Variants in CCDC17 observed in about 807,000 individuals in gnomAD.
CCDC17 encodes coiled-coil domain containing 17, also known as coiled-coil domain-containing protein 17.
Under a neutral mutation model 68.0 loss-of-function variants are expected in CCDC17, and 79 were observed. The ratio of observed to expected loss-of-function variants is 1.16; its 90% CI spans 0.97 to 1.40. The LOEUF is 1.40. Among genes scored for constraint, CCDC17 ranks in the 40% most tolerant of loss-of-function variants. CCDC17 has a pLI of 0.00. For missense variants in CCDC17, 846 were observed against 811.5 expected (o/e 1.04, Z -0.52); for synonymous variants, 376 against 337.5 (o/e 1.11, Z -1.25).
Position 45,620,987 on chromosome 1 carries a change from C to T in CCDC17, c.1515G>A (p.Val505=). 6.2e-7 allele frequency: 1 copy of T among 1,613,838 alleles called. No homozygotes were observed. Among genetic ancestry groups the T allele is most frequent in the Non-Finnish European group, 8.5e-7 (1 of 1,179,836 alleles). ...GTGGGAGGCGCCAGCGGCCACTTAGCACCCGCTGATCTTGGTCAAATAGTC... is the reference window on the plus strand; with the variant it reads ...GTGGGAGGCGCCAGCGGCCACTTAGTACCCGCTGATCTTGGTCAAATAGTC... ...SLGLFDQDQR[V]LSGRWRLPLR... The change falls in exon 11 of 13, where the codon GTG becomes GTA. Residue 505 remains valine (V), a synonymous_variant. Transcript: ENST00000528266.
intron 2 of CCDC17, 56 bp downstream of exon 2, chr1:45,623,501 A>T: frequency 1.3e-6 from 2 of 1,548,910 alleles, no homozygotes; most frequent in Non-Finnish European, 1.7e-6. Context: ...TATGATCTAC[A>T]GGTTTGGGGA....
Position 45,620,803 on chromosome 1 carries a change from C to A in CCDC17, c.1630G>T (p.Val544Leu). 1 of 1,611,466 alleles carries A rather than the reference C, an allele frequency of 6.2e-7. No homozygotes were observed. Among genetic ancestry groups the A allele is most frequent in the Non-Finnish European group, 8.5e-7 (1 of 1,178,832 alleles). The change falls in exon 12 of 13, where the codon GTG (valine) becomes TTG (leucine). Residue 544 changes from valine to leucine, a missense_variant. By Grantham distance (32) the Val-to-Leu change is conservative. Coordinates refer to ENST00000528266, the MANE Select transcript of CCDC17 (RefSeq NM_001114938.3). Reference protein sequence around the residue: ...AGQAELFLRLVNARDAAVQTL... With the variant: ...AGQAELFLRLLNARDAAVQTL... ...TGTACAGCTGCATCTCTTGCATTCA[C>A]CAGCCGCAGAAAGAGCTCAGCCTGA...
At chr1:45,623,489 A>G (rs1030807942) in intron 2 of CCDC17, 50 bp from the exon 3 acceptor site, 9 of 1,549,392 alleles carry the variant, frequency 5.8e-6, no homozygotes, top group Non-Finnish European at 7.0e-6. Context: ...ATCTGTCCCA[A>G]GTATGATCTA....
At position 45,622,728 on chromosome 1, in the gene CCDC17, C is replaced by T. The variant is rs1188708423; in HGVS notation, c.740+23G>A. On this transcript the variant is annotated intron_variant, in intron 5 of 12. Coordinates refer to ENST00000528266, the MANE Select transcript of CCDC17 (RefSeq NM_001114938.3). ...AACTGCTCAGCGCTTCGCCCTATGC[C>T]CATCTCCGGCCCCGGCTCTCACCGG... 2.5e-6 allele frequency: 4 copies of T among 1,569,540 alleles called. No homozygotes were observed. In the South Asian group the frequency reaches 4.7e-5, roughly 18 times the overall value.
Position 45,621,693 on chromosome 1 carries a change from AGTCCAG to A in CCDC17, c.1123_1128del (p.Leu375_Asp376del), listed in dbSNP as rs1557677133. 6.2e-7 allele frequency: 1 copy of A among 1,613,912 alleles called. No homozygotes were observed. Among genetic ancestry groups the A allele is most frequent in the East Asian group, 2.2e-5 (1 of 44,874 alleles). On this transcript the variant is annotated inframe_deletion, in exon 9 of 13. Transcript: ENST00000528266. ...TCCGATGTGGGCAGGAGGAAGTGTG[AGTCCAG>A]GCCCAGGTTTCTGGTCATTGTTCCA...
Position 45,622,008 on chromosome 1 carries a change from G to GAGTT in CCDC17, c.968-17_968-14dup. Reference sequence around the variant, plus strand: ...AGATCCTGGGGCCCTAGGAGCAGAAGAGTTAGGGTGCCCCTAAGTTGGACA... The same window carrying GAGTT: ...AGATCCTGGGGCCCTAGGAGCAGAAGAGTTAGTTAGGGTGCCCCTAAGTTGGACA... On this transcript the variant is annotated splice_polypyrimidine_tract_variant and intron_variant, in intron 7 of 12. Coordinates refer to ENST00000528266, the MANE Select transcript of CCDC17 (RefSeq NM_001114938.3). The GAGTT allele has an allele frequency of 6.3e-7, 1 of 1,591,494 alleles. No individual in the cohort carries two copies. Among genetic ancestry groups the GAGTT allele is most frequent in the Non-Finnish European group, 8.6e-7 (1 of 1,169,234 alleles).
At position 45,622,334 on chromosome 1, in the gene CCDC17, T is replaced by A. The variant is rs1435410073; in HGVS notation, c.874A>T (p.Thr292Ser). ...SQTRRGRAGATSGELPVVEAE... is the reference protein window; with the variant it reads ...SQTRRGRAGASSGELPVVEAE... Reference sequence around the variant, plus strand: ...TCCACTACTGGAAGCTCCCCTGAGGTGGCACCTGCCCTTCCTGCGATGAAC... The same window carrying A: ...TCCACTACTGGAAGCTCCCCTGAGGAGGCACCTGCCCTTCCTGCGATGAAC... Residue 292 changes from threonine to serine, a missense_variant, in exon 7 of 13, where the codon ACC becomes TCC. Transcript: ENST00000528266. 1 of 1,607,340 alleles carries A rather than the reference T, an allele frequency of 6.2e-7. No homozygotes were observed. Among genetic ancestry groups the A allele is most frequent in the Admixed American group, 1.7e-5 (1 of 57,388 alleles).
At position 45,622,655 on chromosome 1, in the gene CCDC17, C is replaced by G; in HGVS notation, c.753G>C (p.Glu251Asp). 1 of 1,555,040 alleles carries G rather than the reference C, an allele frequency of 6.4e-7. No homozygotes were observed. Among genetic ancestry groups the G allele is most frequent in the Non-Finnish European group, 8.7e-7 (1 of 1,149,086 alleles). ...CCCGGCCCCCGTCTCGAATGTAGGC[C>G]TCCCGCAGCGCCCTAGGGAGTGGGG... ...TLAAEIRALR[E>D]AYIRDGGRDP... The change falls in exon 6 of 13, where the codon GAG becomes GAC. Residue 251 changes from glutamate to aspartate, a missense_variant. Transcript: ENST00000528266.
Position 45,622,345 on chromosome 1 carries a change from C to T in CCDC17, c.863G>A (p.Arg288Lys), listed in dbSNP as rs1284638568. The change falls in exon 7 of 13, where the codon AGG becomes AAG. Residue 288 changes from arginine to lysine, a missense_variant. By Grantham distance (26) the Arg-to-Lys change is conservative (BLOSUM62 2). Coordinates refer to ENST00000528266, the MANE Select transcript of CCDC17 (RefSeq NM_001114938.3). Reference protein sequence around the residue: ...ELQRSQTRRGRAGATSGELPV... With the variant: ...ELQRSQTRRGKAGATSGELPV... Reference sequence around the variant, plus strand: ...AAGCTCCCCTGAGGTGGCACCTGCCCTTCCTGCGATGAACAAGTGTGACCT... The same window carrying T: ...AAGCTCCCCTGAGGTGGCACCTGCCTTTCCTGCGATGAACAAGTGTGACCT... 3 of 1,604,098 alleles carry T rather than the reference C, an allele frequency of 1.9e-6. No homozygotes were observed. The highest frequency in any genetic ancestry group is 2.5e-6 in the Non-Finnish European group (3 of 1,176,990).
At position 45,624,011 on chromosome 1, in the gene CCDC17, G is replaced by A. The variant is rs1644374609; in HGVS notation, c.-102C>T. ...AAAGAGACATAAAGCCAGAGGCAGA[G>A]AGGAAAGGCCGTGTCTATTAGGTCT... On this transcript the variant is annotated 5_prime_UTR_variant, in exon 1 of 13. Transcript: ENST00000528266. 5 of 833,102 alleles carry A rather than the reference G, an allele frequency of 6.0e-6. No homozygotes were observed. In the East Asian group the frequency reaches 1.3e-4, roughly 22 times the overall value. The allele number at this position is 833,102 out of a possible 1,614,324, so 51.6% of individuals were successfully genotyped here. A position where few individuals can be genotyped will look rare whatever the true frequency, so the allele number is the denominator to read the frequency against.
chr1:45,621,724 AGG>A lies in CCDC17; in HGVS notation c.1096_1097del (p.Pro366TrpfsTer27), dbSNP rs1438235028. The A allele has an allele frequency of 6.2e-7, 1 of 1,613,676 alleles. No individual in the cohort carries two copies. Among genetic ancestry groups the A allele is most frequent in the African/African-American group, 1.3e-5 (1 of 74,918 alleles). Reference sequence around the variant, plus strand: ...GGCCCAGGTTTCTGGTCATTGTTCCAGGAAGCTGTGGCTGTGGGGAAGAGAGC... The same window carrying A: ...GGCCCAGGTTTCTGGTCATTGTTCCAAAGCTGTGGCTGTGGGGAAGAGAGC... ...PLPGFSEPQLPGTMTRNLGLD... is the reference protein window; with the variant it reads ...PLPGFSEPQLXGTMTRNLGLD... On this transcript the variant is annotated frameshift_variant, in exon 9 of 13. Coordinates refer to ENST00000528266, the MANE Select transcript of CCDC17 (RefSeq NM_001114938.3). LOFTEE classifies it high-confidence loss of function.
At position 45,624,043 on chromosome 1, in the gene CCDC17, T is replaced by A; in HGVS notation, c.-134A>T. The A allele has an allele frequency of 1.5e-6, 1 of 653,302 alleles. No homozygotes were observed. The highest frequency in any genetic ancestry group is 2.8e-5 in the East Asian group (1 of 35,784). The allele number at this position is 653,302 out of a possible 1,614,324, so 40.5% of individuals were successfully genotyped here. A position where few individuals can be genotyped will look rare whatever the true frequency, so the allele number is the denominator to read the frequency against. On this transcript the variant is annotated 5_prime_UTR_variant, in exon 1 of 13. Coordinates refer to ENST00000528266, the MANE Select transcript of CCDC17 (RefSeq NM_001114938.3). ...GGCCGTGTCTATTAGGTCTGTGAGATCTTCAAGTTTGTTTGGGGAGAGCCT... is the reference window on the plus strand; with the variant it reads ...GGCCGTGTCTATTAGGTCTGTGAGAACTTCAAGTTTGTTTGGGGAGAGCCT...
chr1:45,620,688 A>G (rs374624060), intron 12 of CCDC17, 35 bp downstream of exon 12: 43 of 1,565,328 alleles, frequency 2.7e-5, no homozygotes, highest in Admixed American at 7.7e-5. Flanking sequence ...CGGTATGTGT[A>G]GCTGTGGTGT....
Position 45,622,315 on chromosome 1 carries a change from A to G in CCDC17, c.893T>C (p.Val298Ala). 2 of 1,610,798 alleles carry G rather than the reference A, an allele frequency of 1.2e-6. No individual in the cohort carries two copies. The highest frequency in any genetic ancestry group is 1.7e-6 in the Non-Finnish European group (2 of 1,178,830). ...RAGATSGELP[V>A]VEAENRRLEA... ...CAAGCGCCGGTTTTCAGCCTCCACT[A>G]CTGGAAGCTCCCCTGAGGTGGCACC... The change falls in exon 7 of 13, where the codon GTA becomes GCA. Residue 298 changes from valine (V) to alanine (A), a missense_variant. Coordinates refer to ENST00000528266, the MANE Select transcript of CCDC17 (RefSeq NM_001114938.3).
rs75656203 is a variant in CCDC17, at chr1:45,620,679, G to A, written c.1710+44C>T. ...GGCCGTTAGCCATACCAGCCACACC[G>A]GTATGTGTAGCTGTGGTGTCCCTAG... On this transcript the variant is annotated intron_variant, in intron 12 of 12. Transcript: ENST00000528266. 7.6e-3 allele frequency: 11,782 copies of A among 1,560,110 alleles called. 626 individuals are homozygous for A. In the East Asian group the frequency reaches 0.16, roughly 21 times the overall value.
At position 45,623,432 on chromosome 1, in the gene CCDC17, C is replaced by T; in HGVS notation, c.278G>A (p.Trp93Ter). 1 of 1,550,564 alleles carries T rather than the reference C, an allele frequency of 6.4e-7. No homozygotes were observed. Among genetic ancestry groups the T allele is most frequent in the South Asian group, 1.2e-5 (1 of 84,066 alleles). Residue 93 changes from tryptophan to a stop codon, truncating the protein, a stop_gained, in exon 3 of 13, where the codon TGG (tryptophan) becomes TAG (stop). Coordinates refer to ENST00000528266, the MANE Select transcript of CCDC17 (RefSeq NM_001114938.3). LOFTEE classifies it high-confidence loss of function. ...ALKRLTEEVQ[W>*]LRLSLQEMRP... ...CATTTCCTGTAGGGATAGCCGCAGC[C>T]ACTGCACCTGGAGGTAACAGCGATC...
Position 45,623,900 on chromosome 1 carries a change from G to A in CCDC17, c.10C>T (p.His4Tyr). Residue 4 changes from histidine (H) to tyrosine (Y), a missense_variant, in exon 1 of 13, where the codon CAC becomes TAC. Physicochemically the swap from His to Tyr is moderately conservative, Grantham distance 83 (BLOSUM62 2). Transcript: ENST00000528266. ...GGCAGGAGCGCAGGCTCCCCAGAGT[G>A]GGAGTCCATGGGATGGGACCCGTTT... MDS[H>Y]SGEPALLPCG... 1 of 1,516,352 alleles carries A rather than the reference G, an allele frequency of 6.6e-7. No homozygotes were observed. The highest frequency in any genetic ancestry group is 8.8e-7 in the Non-Finnish European group (1 of 1,132,344). 93.9% of individuals were successfully genotyped at this position (1,516,352 alleles called of 1,614,324 possible). A position where few individuals can be genotyped will look rare whatever the true frequency, so the allele number is the denominator to read the frequency against.
chr1:45,621,346 G>A lies in CCDC17; in HGVS notation c.1323C>T (p.Pro441=). The change falls in exon 10 of 13, where the codon CCC becomes CCT. Residue 441 remains proline (P), a synonymous_variant. Coordinates refer to ENST00000528266, the MANE Select transcript of CCDC17 (RefSeq NM_001114938.3). ...CCATGGGCCCGGGAGCAGGAGGTGG[G>A]GGCAGGCAAAGGGCTGGGGGCAACG... The part of the protein sequence containing the change: ...TTALPPALCL[P]PPPAPGPMGN... The A allele has an allele frequency of 6.3e-7, 1 of 1,590,448 alleles. No individual in the cohort carries two copies. Among genetic ancestry groups the A allele is most frequent in the Non-Finnish European group, 8.6e-7 (1 of 1,168,464 alleles).
chr1:45,622,386 T>A, intron 6 of CCDC17, 38 bp from the exon 7 acceptor site: 1 of 1,570,838 alleles, frequency 6.4e-7, no homozygotes, highest in Admixed American at 1.9e-5. Flanking sequence ...CTTTGACCTC[T>A]GGTGACTGGC....
Sources: gnomAD v4.1 joint callset for allele counts on GRCh38, gnomAD v4.1.1 for gene constraint, MANE v1.5 for transcripts, NCBI Gene and HGNC (gene_info 2026-07-23, HGNC 2026-07-21) for gene names.